FIGN: variants seen among roughly 807,000 people sequenced by gnomAD.
FIGN encodes the protein fidgetin, microtubule severing factor.
A neutral mutation model predicts 51.3 loss-of-function variants in FIGN; 11 were observed. The observed-to-expected ratio is 0.21, with a 90% CI of 0.13 to 0.35. FIGN has a LOEUF of 0.35. Ranked by LOEUF, FIGN falls within the 10% of genes least tolerant of loss-of-function variation. FIGN has a pLI of 1.00. For missense variants in FIGN, 857 were observed against 943.6 expected, an observed-to-expected ratio of 0.91 and a Z score of 1.20; for synonymous variants, 407 against 363.2, an observed-to-expected ratio of 1.12 and a Z score of -1.37.
chr2:163,604,375 C>A lies in FIGN; in HGVS notation c.*5177G>T, dbSNP rs1691038706. ...GTCCCAAATGGGACCTCGATGAAGA[C>A]CTACACAGTGCATAATTTCTTTTAA... On this transcript the variant is annotated 3_prime_UTR_variant, in exon 3 of 3. Transcript: ENST00000333129. 1 of 150,912 alleles carries A rather than the reference C, an allele frequency of 6.6e-6. No homozygotes were observed. The highest frequency in any genetic ancestry group is 1.5e-5 in the Non-Finnish European group (1 of 67,618). The allele number at this position is 150,912 out of a possible 1,614,324, so 9.3% of individuals were successfully genotyped here. A position where few individuals can be genotyped will look rare whatever the true frequency, so the allele number is the denominator to read the frequency against.
At chr2:163,615,377 G>C in intron 2 of FIGN, among the ~76,000 whole-genome samples, 1 of 152,142 alleles carries the variant, frequency 6.6e-6, no homozygotes, top group East Asian at 1.9e-4. Flanking sequence ...CAGTGTTCAG[G>C]AGATTGTCTT....
chr2:163,703,506 G>A (rs1684442031), intron 2 of FIGN, among the ~76,000 whole-genome samples: 1 of 152,110 alleles, frequency 6.6e-6, no homozygotes, highest in African/African-American at 2.4e-5. Context: ...TGAGTCAACA[G>A]GCATGTGACA....
At chr2:163,622,960 C>T (rs1682997997) in intron 2 of FIGN, among the ~76,000 whole-genome samples, 2 of 152,148 alleles carry the variant, frequency 1.3e-5, no homozygotes, top group Admixed American at 1.3e-4. Context: ...GTCAAATTCT[C>T]CCTGCTACCT....
chr2:163,660,122 AAAT>A (rs1049516307), intron 2 of FIGN, among the ~76,000 whole-genome samples: 21 of 152,162 alleles, frequency 1.4e-4, no homozygotes, highest in African/African-American at 5.1e-4. Flanking sequence ...AAAAAACAAA[AAAT>A]AAAAAAAATT....
intron 2 of FIGN, among the ~76,000 whole-genome samples, chr2:163,626,958 GAAATTACCCTATATAGTCTAAAA>G (rs1683063903): frequency 6.6e-6 from 1 of 152,114 alleles, no homozygotes; most frequent in Non-Finnish European, 1.5e-5. Context: ...CCAACGTCAG[GAAATTACCCTATATAGTCTAAAA>G]AGGGGAGGAA....
At chr2:163,701,144 A>G (rs1390482270) in intron 2 of FIGN, among the ~76,000 whole-genome samples, 1 of 152,178 alleles carries the variant, frequency 6.6e-6, no homozygotes, top group Non-Finnish European at 1.5e-5. Flanking sequence ...CTATTGAGTC[A>G]GTAGCTCAGG....
chr2:163,604,051 T>C lies in FIGN; in HGVS notation c.*5501A>G, dbSNP rs1274922933. On this transcript the variant is annotated 3_prime_UTR_variant, in exon 3 of 3. Coordinates refer to ENST00000333129, the MANE Select transcript of FIGN (RefSeq NM_018086.4). ...TTCCTTTGGGAAGTGCCATTTTTAA[T>C]TTTTGGTTTATTTTCAGTGTTGTGC... 1 of 152,070 alleles carries C rather than the reference T, an allele frequency of 6.6e-6. No individual in the cohort carries two copies. Among genetic ancestry groups the C allele is most frequent in the Admixed American group, 6.6e-5 (1 of 15,254 alleles). 9.4% of individuals were successfully genotyped at this position (152,070 alleles called of 1,614,324 possible). A position where few individuals can be genotyped will look rare whatever the true frequency, so the allele number is the denominator to read the frequency against.
intron 2 of FIGN, among the ~76,000 whole-genome samples, chr2:163,690,492 G>C (rs1362803675): frequency 6.6e-6 from 1 of 151,874 alleles, no homozygotes; most frequent in Non-Finnish European, 1.5e-5. Flanking sequence ...TTTGTAAAAA[G>C]CAATCTAATC....
At chr2:163,624,708 A>ATATT (rs564288395) in intron 2 of FIGN, among the ~76,000 whole-genome samples, 135 of 145,486 alleles carry the variant, frequency 9.3e-4, no homozygotes, top group African/African-American at 3.3e-3. Flanking sequence ...ATATATATAT[A>ATATT]TTTTTTTTTT....
At chr2:163,719,065 GT>G (rs1305258392) in intron 2 of FIGN, among the ~76,000 whole-genome samples, 1 of 152,072 alleles carries the variant, frequency 6.6e-6, no homozygotes, top group Admixed American at 6.5e-5. Context: ...CTGTTAAGGT[GT>G]TTTTTAGGCA....
intron 2 of FIGN, among the ~76,000 whole-genome samples, chr2:163,666,676 A>T (rs186656211): frequency 6.6e-6 from 1 of 152,268 alleles, no homozygotes; most frequent in East Asian, 1.9e-4. Context: ...GACCCAGTGG[A>T]ACCCAAGAAC....
intron 2 of FIGN, among the ~76,000 whole-genome samples, chr2:163,669,846 T>A (rs192572226): frequency 7.8e-4 from 119 of 152,288 alleles, no homozygotes; most frequent in Non-Finnish European, 1.8e-4. Context: ...TGCTGAGGAC[T>A]TCTATGATTA....
chr2:163,672,295 A>C lies in FIGN; in HGVS notation c.26-60489T>G, dbSNP rs1683889231. ...CTTCGTTGATTTTGTTAAAAGAAGA[A>C]TCCTTGATTTCCTTGCTAAGATTTA... On this transcript the variant is annotated intron_variant, in intron 2 of 2. Transcript: ENST00000333129. 3.3e-5 allele frequency among the ~76,000 whole-genome samples: 5 copies of C among 152,160 alleles called. No homozygotes were observed. The South Asian group carries it at 1.0e-3, about 31-fold the overall frequency.
chr2:163,641,277 AAG>A (rs1683302080), intron 2 of FIGN, among the ~76,000 whole-genome samples: 1 of 152,210 alleles, frequency 6.6e-6, no homozygotes, highest in South Asian at 2.1e-4. Context: ...ATATAAAGAA[AAG>A]AGAGTGTCCA....
intron 2 of FIGN, among the ~76,000 whole-genome samples, chr2:163,623,285 A>T (rs1316912296): frequency 6.6e-6 from 1 of 152,190 alleles, no homozygotes; most frequent in Non-Finnish European, 1.5e-5. Flanking sequence ...ACATATTTTT[A>T]TCAAAACTAA....
chr2:163,722,119 G>A lies in FIGN; in HGVS notation c.25+12784C>T, dbSNP rs571800085. On this transcript the variant is annotated intron_variant, in intron 2 of 2. Transcript: ENST00000333129. ...CTATTGAACACCTAAAAGAGCTATT[G>A]GGTGAAATCCCAGCTAAATTGTTTA... Among the ~76,000 whole-genome samples, 10 of 152,224 alleles carry A rather than the reference G, an allele frequency of 6.6e-5. 1 individual carries two copies. In the South Asian group the frequency reaches 2.1e-3, roughly 32 times the overall value.
At chr2:163,657,887 C>A (rs1416410778) in intron 2 of FIGN, among the ~76,000 whole-genome samples, 2 of 152,154 alleles carry the variant, frequency 1.3e-5, no homozygotes, top group East Asian at 3.9e-4. Context: ...GAATGAAGTG[C>A]AAATTGTAGT....
intron 2 of FIGN, among the ~76,000 whole-genome samples, chr2:163,614,304 TC>T (rs1218123844): frequency 6.6e-6 from 1 of 152,122 alleles, no homozygotes; most frequent in African/African-American, 2.4e-5. Flanking sequence ...AATCATACTT[TC>T]ATTAAATTCA....
Position 163,711,865 on chromosome 2 carries a change from C to G in FIGN, c.25+23038G>C, listed in dbSNP as rs73019721. On this transcript the variant is annotated intron_variant, in intron 2 of 2. Coordinates refer to ENST00000333129, the MANE Select transcript of FIGN (RefSeq NM_018086.4). ...TAGAAAAAGATATTAATCTGTTAGA[C>G]TGATGCTAACGCTCCTGGTTATTCT... is the stretch of plus-strand genomic sequence containing the variant. Among the ~76,000 whole-genome samples the G allele has an allele frequency of 4.2e-3, 640 of 152,206 alleles. 2 individuals carry two copies. The highest frequency in any genetic ancestry group is 0.015 in the African/African-American group (607 of 41,532).
Sources: gnomAD v4.1 joint callset for allele counts (sites outside exome capture counted in the v4.1 genomes callset) on GRCh38, gnomAD v4.1.1 for gene constraint, MANE v1.5 for transcripts, NCBI Gene and HGNC (gene_info 2026-07-23, HGNC 2026-07-21) for gene names.